Variants in SUMF1 observed in about 807,000 individuals in gnomAD.
The protein encoded by SUMF1 is sulfatase modifying factor 1.
In SUMF1, 48 loss-of-function variants were observed where a neutral mutation model predicts 47.6. That is an observed-to-expected ratio of 1.01 (90% confidence interval 0.80 to 1.28). The LOEUF is 1.28. SUMF1 is among the 50% of genes most tolerant of loss of function. The pLI is 0.00. For missense variants in SUMF1, 571 were observed against 485.4 expected, an observed-to-expected ratio of 1.18 and a Z score of -1.66; for synonymous variants, 230 against 192.1, an observed-to-expected ratio of 1.20 and a Z score of -1.63.
chr3:4,036,864 A>T (rs1118598), intron 9 of SUMF1, among the ~76,000 whole-genome samples: 1 of 140,942 alleles, frequency 7.1e-6, no homozygotes, highest in Non-Finnish European at 1.5e-5. Flanking sequence ...AAAAAAAAAA[A>T]AAAAAAAAAG....
intron 8 of SUMF1, among the ~76,000 whole-genome samples, chr3:4,115,364 A>C (rs1001195878): frequency 1.3e-5 from 2 of 152,110 alleles, no homozygotes; most frequent in African/African-American, 2.4e-5. Context: ...TGGTACACCA[A>C]GGCAAGAACC....
At chr3:4,380,659 G>A (rs897828309) in intron 7 of SUMF1, among the ~76,000 whole-genome samples, 2 of 152,148 alleles carry the variant, frequency 1.3e-5, no homozygotes, top group South Asian at 2.1e-4. Flanking sequence ...AGGAACCATC[G>A]TGAATCCTGT....
chr3:4,179,040 G>A (rs889354513), intron 8 of SUMF1, among the ~76,000 whole-genome samples: 1 of 152,180 alleles, frequency 6.6e-6, no homozygotes, highest in Non-Finnish European at 1.5e-5. Flanking sequence ...GGAAATAAAA[G>A]AGGACACAAA....
chr3:4,136,407 T>C (rs1214745195), intron 8 of SUMF1, among the ~76,000 whole-genome samples: 1 of 152,126 alleles, frequency 6.6e-6, no homozygotes. Flanking sequence ...CTGGGAAAAC[T>C]GGCTAGCCAT....
At chr3:4,089,896 C>G (rs1023837156) in intron 8 of SUMF1, among the ~76,000 whole-genome samples, 1 of 152,168 alleles carries the variant, frequency 6.6e-6, no homozygotes, top group Non-Finnish European at 1.5e-5. Context: ...ACTGCAATCT[C>G]AGACTGGTTC....
At position 4,272,845 on chromosome 3, in the gene SUMF1, A is replaced by G. The variant is rs376299702; in HGVS notation, c.1014+103485T>C. ...TCCCAGCACTGTGGGAGCCCAAAGT[A>G]GGAGGATCACTTGAGGCCAGGAGTT... On this transcript the variant is annotated intron_variant and NMD_transcript_variant, in intron 8 of 12. Transcript: ENST00000448413. Among the ~76,000 whole-genome samples the G allele has an allele frequency of 2.1e-4, 32 of 152,178 alleles. 1 individual carries two copies. The East Asian group carries it at 2.7e-3, about 13-fold the overall frequency.
At chr3:4,360,340 T>C (rs971056402), downstream of SUMF1, among the ~76,000 whole-genome samples, 4 of 151,834 alleles carry the variant, frequency 2.6e-5, no homozygotes, top group Non-Finnish European at 5.9e-5. Flanking sequence ...TTTTTCTTTT[T>C]TTCCTGAGAC....
rs79031951 is a variant in SUMF1 at position 4,361,339 on chromosome 3, G to C, written c.*805C>G. The C allele has an allele frequency of 6.6e-6, 1 of 152,520 alleles. No individual in the cohort carries two copies. The highest frequency in any genetic ancestry group is 2.4e-5 in the African/African-American group (1 of 41,412). The allele number at this position is 152,520 out of a possible 1,614,324, so 9.4% of individuals were successfully genotyped here. A position where few individuals can be genotyped will look rare whatever the true frequency, so the allele number is the denominator to read the frequency against. The stretch of plus-strand genomic sequence containing the variant: ...CCCGTTTAGCGCACATTTCACGTTC[G>C]CTGAAGGCTTTGGGGAGAGGGGGAA... On this transcript the variant is annotated 3_prime_UTR_variant, in exon 9 of 9. Coordinates refer to ENST00000272902, the MANE Select transcript of SUMF1 (RefSeq NM_182760.4).
At chr3:4,280,527 G>A (rs542160776) in intron 8 of SUMF1, among the ~76,000 whole-genome samples, 52 of 152,124 alleles carry the variant, frequency 3.4e-4, no homozygotes, top group Admixed American at 8.5e-4. Context: ...AACCCCTTAT[G>A]TGAGAGGAAG....
chr3:4,063,122 T>C (rs529030031), intron 9 of SUMF1, among the ~76,000 whole-genome samples: 2 of 152,248 alleles, frequency 1.3e-5, no homozygotes, highest in South Asian at 2.1e-4. Flanking sequence ...ACTACACTTT[T>C]ATCAATTAAG....
chr3:4,223,055 A>T (rs1482865200), intron 8 of SUMF1, among the ~76,000 whole-genome samples: 1 of 152,168 alleles, frequency 6.6e-6, no homozygotes, highest in Non-Finnish European at 1.5e-5. Context: ...TGCATCTTGC[A>T]CAAGGAGACT....
chr3:4,057,398 CA>C (rs11328424), intron 9 of SUMF1, among the ~76,000 whole-genome samples: 143,726 of 152,026 alleles, frequency 0.95, 68,424 homozygotes, highest in Non-Finnish European at 1. Context: ...TCAGGTTTGG[CA>C]AAAAACCGCA....
chr3:4,271,692 G>A (rs1256447134), intron 8 of SUMF1, among the ~76,000 whole-genome samples: 1 of 152,068 alleles, frequency 6.6e-6, no homozygotes. Flanking sequence ...GTAGAGACAG[G>A]GGTCTCACTC....
At chr3:4,372,444 T>C (rs138287193) in intron 8 of SUMF1, among the ~76,000 whole-genome samples, 159 of 152,368 alleles carry the variant, frequency 1.0e-3, no homozygotes, top group African/African-American at 3.6e-3. Context: ...TTATTGATTT[T>C]CACCTATGCC....
chr3:4,388,624 A>AT (rs996016192), intron 7 of SUMF1, among the ~76,000 whole-genome samples: 2 of 151,444 alleles, frequency 1.3e-5, no homozygotes, highest in South Asian at 2.1e-4. Context: ...TCTGTTCTCT[A>AT]TTTTTTTGTC....
At chr3:4,420,897 C>A (rs56021910) in intron 3 of SUMF1, among the ~76,000 whole-genome samples, 1 of 152,084 alleles carries the variant, frequency 6.6e-6, no homozygotes, top group African/African-American at 2.4e-5. Flanking sequence ...CAAAAGACCC[C>A]GATTCAACTT....
intron 8 of SUMF1, among the ~76,000 whole-genome samples, chr3:4,338,204 G>A (rs1200506784): frequency 6.6e-6 from 1 of 152,008 alleles, no homozygotes; most frequent in African/African-American, 2.4e-5. Flanking sequence ...GTCTCTGGGA[G>A]CTACAATCTG....
At chr3:4,077,429 G>A (rs547505846) in intron 8 of SUMF1, among the ~76,000 whole-genome samples, 6 of 152,164 alleles carry the variant, frequency 3.9e-5, no homozygotes, top group Middle Eastern at 6.8e-3. Context: ...ATAATAGACT[G>A]GATAAAGAAA....
intron 7 of SUMF1, among the ~76,000 whole-genome samples, chr3:4,394,300 G>C (rs1700972152): frequency 1.3e-5 from 2 of 151,986 alleles, no homozygotes; most frequent in Non-Finnish European, 2.9e-5. Flanking sequence ...TTCCTGAGTA[G>C]CTGGGACCAC....
Sources: gnomAD v4.1 joint callset for allele counts (sites outside exome capture counted in the v4.1 genomes callset) on GRCh38, gnomAD v4.1.1 for gene constraint, MANE v1.5 for transcripts, NCBI Gene and HGNC (gene_info 2026-07-23, HGNC 2026-07-21) for gene names.